LGR6: variants seen among roughly 807,000 people sequenced by gnomAD.
LGR6 encodes leucine rich repeat containing G protein-coupled receptor 6.
A neutral mutation model predicts 69.4 loss-of-function variants in LGR6; 45 were observed. That is an observed-to-expected ratio of 0.65 (90% confidence interval 0.51 to 0.83). The LOEUF is 0.83. Ranked by LOEUF, LGR6 falls within the 40% of genes least tolerant of loss-of-function variation. LGR6 has a pLI of 0.00. For synonymous variants in LGR6, 538 were observed against 555.0 expected (o/e 0.97, Z 0.43); for missense variants, 1,108 against 1,246.7 (o/e 0.89, Z 1.68).
chr1:202,319,447 A>G lies in LGR6; in HGVS notation c.*240A>G, dbSNP rs1654458602. ...CTTGATACTGGGCCTCTTCCTTGTC[A>G]TGTCTGAAGCTGTGGACCAGAGACC... On this transcript the variant is annotated 3_prime_UTR_variant, in exon 18 of 18. Transcript: ENST00000367278. The G allele has an allele frequency of 2.0e-6, 1 of 490,088 alleles. No homozygotes were observed. The highest frequency in any genetic ancestry group is 3.6e-6 in the Non-Finnish European group (1 of 281,062). 30.4% of individuals were successfully genotyped at this position (490,088 alleles called of 1,614,324 possible).
rs1035013376 is a variant in LGR6 at position 202,199,646 on chromosome 1, C to T, written c.212+5445C>T. On this transcript the variant is annotated intron_variant, in intron 1 of 17. Coordinates refer to ENST00000367278, the MANE Select transcript of LGR6 (RefSeq NM_001017403.2). ...CCCCACATGCGCTGCAGCCTGCTTC[C>T]TGCACTGACCCACGCCCCCCGGGGG... Among the ~76,000 whole-genome samples, 3 of 150,804 alleles carry T rather than the reference C, an allele frequency of 2.0e-5. No individual in the cohort carries two copies. In the East Asian group the frequency reaches 6.0e-4, roughly 30 times the overall value.
intron 4 of LGR6, among the ~76,000 whole-genome samples, chr1:202,251,238 T>C (rs1304682169): frequency 6.6e-6 from 1 of 152,092 alleles, no homozygotes; most frequent in Non-Finnish European, 1.5e-5. Flanking sequence ...TGTCTGATAG[T>C]GTGTTGTCAG....
chr1:202,257,102 G>A (rs1663836743), intron 4 of LGR6, among the ~76,000 whole-genome samples: 1 of 152,124 alleles, frequency 6.6e-6, no homozygotes, highest in Admixed American at 6.5e-5. Context: ...ATATATTAAA[G>A]ACATAAGTCC....
chr1:202,207,533 T>C (rs1474293420), intron 1 of LGR6, among the ~76,000 whole-genome samples: 3 of 152,290 alleles, frequency 2.0e-5, no homozygotes, highest in African/African-American at 7.2e-5. Flanking sequence ...GCAGGGATTC[T>C]GCTTGAAAGG....
chr1:202,256,079 GCTTT>G (rs1011059848), intron 4 of LGR6, among the ~76,000 whole-genome samples: 2 of 152,004 alleles, frequency 1.3e-5, no homozygotes, highest in African/African-American at 4.8e-5. Context: ...CCAGTAATCT[GCTTT>G]CTGTCTCTTT....
chr1:202,313,004 G>T (rs1045555588), intron 16 of LGR6, among the ~76,000 whole-genome samples: 34 of 151,998 alleles, frequency 2.2e-4, no homozygotes, highest in African/African-American at 8.2e-4. Context: ...CGAGGCAGGC[G>T]GATCACAAGG....
intron 6 of LGR6, among the ~76,000 whole-genome samples, chr1:202,288,157 T>C (rs990293698): frequency 7.2e-5 from 11 of 152,210 alleles, no homozygotes; most frequent in Admixed American, 2.0e-4. Flanking sequence ...CCTTTTCCTT[T>C]TGTCTGGAAT....
At chr1:202,237,133 T>C (rs1201789991) in intron 4 of LGR6, among the ~76,000 whole-genome samples, 3 of 152,204 alleles carry the variant, frequency 2.0e-5, no homozygotes, top group South Asian at 4.1e-4. Context: ...AGCTGCTCGA[T>C]CGATCGGCCC....
At chr1:202,261,942 T>C (rs1406139543) in intron 4 of LGR6, among the ~76,000 whole-genome samples, 1 of 152,252 alleles carries the variant, frequency 6.6e-6, no homozygotes, top group Non-Finnish European at 1.5e-5. Flanking sequence ...TTTGTTTTTT[T>C]CTTGTAAATT....
chr1:202,278,113 G>C (rs1000649485), intron 5 of LGR6, among the ~76,000 whole-genome samples: 8 of 152,110 alleles, frequency 5.3e-5, no homozygotes, highest in African/African-American at 1.9e-4. Flanking sequence ...AGGTTTTCAG[G>C]CAAGGGTTAA....
At chr1:202,281,389 AC>A (rs906100431) in intron 6 of LGR6, among the ~76,000 whole-genome samples, 71 of 152,222 alleles carry the variant, frequency 4.7e-4, no homozygotes, top group Middle Eastern at 6.8e-3. Flanking sequence ...TATAAGAAGC[AC>A]CCAAGCTGTT....
chr1:202,244,787 G>A (rs1662509395), intron 4 of LGR6, among the ~76,000 whole-genome samples: 1 of 152,196 alleles, frequency 6.6e-6, no homozygotes, highest in Non-Finnish European at 1.5e-5. Context: ...AAGGCGAGGA[G>A]GGAAAGTGGG....
chr1:202,297,384 TG>T, intron 6 of LGR6, 123 bp from the exon 7 acceptor site: 1 of 725,514 alleles, frequency 1.4e-6, no homozygotes, highest in Non-Finnish European at 2.4e-6. Context: ...CATTGGCCGC[TG>T]GATCCAACAG....
At chr1:202,214,413 T>G (rs1323348612) in intron 1 of LGR6, among the ~76,000 whole-genome samples, 1 of 147,670 alleles carries the variant, frequency 6.8e-6, no homozygotes, top group Non-Finnish European at 1.5e-5. Context: ...CTTTCAGCCA[T>G]GGAGCGGGCG....
chr1:202,317,826 C>T (rs182447646), intron 17 of LGR6, 126 bp from the exon 18 acceptor site: 26 of 991,824 alleles, frequency 2.6e-5, no homozygotes, highest in African/African-American at 1.6e-4. Context: ...GGGAGTTTTC[C>T]GAGGGCAAGG....
At chr1:202,259,033 G>A (rs1337780038) in intron 4 of LGR6, among the ~76,000 whole-genome samples, 1 of 151,484 alleles carries the variant, frequency 6.6e-6, no homozygotes, top group Non-Finnish European at 1.5e-5. Flanking sequence ...GGTTTTTTTA[G>A]TATATATTAT....
chr1:202,196,823 T>C (rs1317030367), intron 1 of LGR6, among the ~76,000 whole-genome samples: 3 of 151,926 alleles, frequency 2.0e-5, no homozygotes, highest in African/African-American at 7.3e-5. Context: ...AAGGGAATGG[T>C]TTGTGGCTGG....
At chr1:202,223,643 G>T (rs1355028753) in intron 1 of LGR6, among the ~76,000 whole-genome samples, 1 of 151,960 alleles carries the variant, frequency 6.6e-6, no homozygotes, top group African/African-American at 2.4e-5. Context: ...CAGGCATTAG[G>T]AGTTTGAAGT....
intron 6 of LGR6, among the ~76,000 whole-genome samples, chr1:202,287,098 A>G (rs1666451113): frequency 6.6e-6 from 1 of 152,230 alleles, no homozygotes. Context: ...GAGAGGAAAC[A>G]AAGTTCAGGT....
Sources: gnomAD v4.1 joint callset for allele counts (sites outside exome capture counted in the v4.1 genomes callset) on GRCh38, gnomAD v4.1.1 for gene constraint, MANE v1.5 for transcripts, NCBI Gene and HGNC (gene_info 2026-07-23, HGNC 2026-07-21) for gene names.